ALOXE3: variants seen among roughly 807,000 people sequenced by gnomAD.
ALOXE3 encodes hydroperoxide isomerase ALOXE3.
A neutral mutation model predicts 87.5 loss-of-function variants in ALOXE3; 78 were observed. The ratio of observed to expected loss-of-function variants is 0.89; its 90% CI spans 0.74 to 1.08. ALOXE3 has a LOEUF of 1.08. Ranked by LOEUF, ALOXE3 falls within the 50% of genes least tolerant of loss-of-function variation. The probability of loss-of-function intolerance (pLI) is 0.00; values close to 1 mark genes in which losing one functional copy is unlikely to be tolerated. For synonymous variants in ALOXE3, 363 were observed against 370.8 expected (o/e 0.98, Z 0.24); for missense variants, 946 against 912.4 (o/e 1.04, Z -0.47).
chr17:8,116,612 A>T lies in ALOXE3; in HGVS notation c.352+164T>A, dbSNP rs3027226. Among the ~76,000 whole-genome samples, 252 of 152,242 alleles carry T rather than the reference A, an allele frequency of 1.7e-3. 2 individuals are homozygous for T. The highest frequency in any genetic ancestry group is 5.8e-3 in the African/African-American group (239 of 41,528). On this transcript the variant is annotated intron_variant, in intron 3 of 15. Transcript: ENST00000448843. ...TCAATACCGTCTGCAAAACCCTCGC[A>T]TTTCAGGGCTTGAGAGGCTCCCTTT...
chr17:8,118,806 C>T (rs1980842688), upstream of ALOXE3: 6 of 1,537,012 alleles, frequency 3.9e-6, no homozygotes, highest in Non-Finnish European at 4.4e-6. Context: ...CGCCCTGGGC[C>T]TGCAGGATCC....
In ALOXE3 at chr17:8,107,941, GAA is replaced by G. The variant is rs1415257327; in HGVS notation, c.1684+525_1684+526del. 9.2e-4 allele frequency among the ~76,000 whole-genome samples: 4 copies of G among 4,344 alleles called. 1 individual carries two copies. The highest frequency in any genetic ancestry group is 4.2e-3 in the South Asian group (1 of 236). 2.8% of individuals were successfully genotyped at this position (4,344 alleles called of 152,430 possible). On this transcript the variant is annotated intron_variant, in intron 13 of 15. Coordinates refer to ENST00000448843, the MANE Select transcript of ALOXE3 (RefSeq NM_021628.3). ...AGAAAGAAAGAAAGAAAGAAAGAAA[GAA>G]AGAAAGAAAGAAAGAAAGGAAGGAG... is the stretch of plus-strand genomic sequence containing the variant.
At chr17:8,112,620 C>T (rs1009524032) in intron 6 of ALOXE3, among the ~76,000 whole-genome samples, 43 of 152,244 alleles carry the variant, frequency 2.8e-4, no homozygotes, top group African/African-American at 1.0e-3. Flanking sequence ...GTATTTTCTC[C>T]CACCCTAGGC....
intron 3 of ALOXE3, among the ~76,000 whole-genome samples, chr17:8,116,374 G>A (rs1444498164): frequency 6.6e-6 from 1 of 152,132 alleles, no homozygotes; most frequent in East Asian, 1.9e-4. Context: ...AGGGAATGGG[G>A]CCTCTCCAGC....
At chr17:8,104,018 AC>A in intron 14 of ALOXE3, 96 bp downstream of exon 14, 1 of 1,026,800 alleles carries the variant, frequency 9.7e-7, no homozygotes, top group Non-Finnish European at 1.5e-6. Context: ...TCATAAACCC[AC>A]CCCAACGCTG....
chr17:8,096,780 C>T lies in ALOXE3; in HGVS notation c.1983G>A (p.Glu661=). The change falls in exon 16 of 16, where the codon GAG becomes GAA. Residue 661 remains glutamate (E), a synonymous_variant. Transcript: ENST00000448843. ...GCCTCGGGGCCTCCTCTGTGAAGTG[C>T]TCATCTGGGTAGGTGCCCAGGGGCC... ...DQRPLGTYPD[E]HFTEEAPRRS... The T allele has an allele frequency of 1.9e-6, 3 of 1,614,152 alleles. No individual in the cohort carries two copies. Among genetic ancestry groups the T allele is most frequent in the Non-Finnish European group, 2.5e-6 (3 of 1,180,034 alleles).
chr17:8,102,851 G>C (rs1979010215), intron 15 of ALOXE3, among the ~76,000 whole-genome samples: 1 of 152,040 alleles, frequency 6.6e-6, no homozygotes, highest in East Asian at 1.9e-4. Context: ...ACAGTGTCTG[G>C]GTCACCACTG....
chr17:8,111,603 G>T, intron 7 of ALOXE3, 72 bp from the exon 8 acceptor site: 1 of 1,536,208 alleles, frequency 6.5e-7, no homozygotes, highest in African/African-American at 1.4e-5. Flanking sequence ...CAAGTCCTTT[G>T]CTTATCATTG....
At chr17:8,114,653 C>G (rs371178935) in intron 5 of ALOXE3, 44 bp from the exon 6 acceptor site, 2 of 1,612,376 alleles carry the variant, frequency 1.2e-6, no homozygotes, top group African/African-American at 2.7e-5. Context: ...GTCAGTGGGC[C>G]CTGAAGCCCA....
At chr17:8,111,555 G>A (rs1980091884) in intron 7 of ALOXE3, 24 bp from the exon 8 acceptor site, 2 of 1,613,846 alleles carry the variant, frequency 1.2e-6, no homozygotes, top group Non-Finnish European at 1.7e-6. Context: ...GAGGGGACCA[G>A]TTGGTCTAGA....
chr17:8,101,981 G>A (rs1039561117), intron 15 of ALOXE3, among the ~76,000 whole-genome samples: 5 of 152,180 alleles, frequency 3.3e-5, no homozygotes, highest in South Asian at 2.1e-4. Context: ...TCAAGCGTGA[G>A]AAATAAGAAT....
chr17:8,114,850 C>T (rs1356157145), intron 5 of ALOXE3, 88 bp downstream of exon 5: 17 of 1,581,318 alleles, frequency 1.1e-5, no homozygotes, highest in Admixed American at 1.7e-5. Context: ...AGACCCCTAC[C>T]CCTCCTTCCT....
intron 4 of ALOXE3, 24 bp downstream of exon 4, chr17:8,115,583 G>T (rs1216829048): frequency 1.3e-6 from 2 of 1,590,042 alleles, no homozygotes; most frequent in African/African-American, 1.3e-5. Context: ...GATGGGGAAA[G>T]AAGTCAAATT....
chr17:8,111,548 G>A lies in ALOXE3; in HGVS notation c.785-17C>T. 6.2e-7 allele frequency: 1 copy of A among 1,614,004 alleles called. No homozygotes were observed. Among genetic ancestry groups the A allele is most frequent in the South Asian group, 1.1e-5 (1 of 91,066 alleles). On this transcript the variant is annotated splice_polypyrimidine_tract_variant and intron_variant, in intron 7 of 15. Transcript: ENST00000448843. Reference sequence around the variant, plus strand: ...TGACATACTCTGGGATACAAGAGAGGGGACCAGTTGGTCTAGAAACTACTT... The same window carrying A: ...TGACATACTCTGGGATACAAGAGAGAGGACCAGTTGGTCTAGAAACTACTT...
At chr17:8,100,370 A>G (rs956143790) in intron 15 of ALOXE3, among the ~76,000 whole-genome samples, 53 of 152,134 alleles carry the variant, frequency 3.5e-4, no homozygotes, top group Non-Finnish European at 5.0e-4. Flanking sequence ...GGCCCCAGAC[A>G]TGTGAGCAAA....
chr17:8,114,619 G>C lies in ALOXE3; in HGVS notation c.555-10C>G. On this transcript the variant is annotated splice_polypyrimidine_tract_variant and intron_variant, in intron 5 of 15. Transcript: ENST00000448843. ...GTACCGATTCCCACTGCTGGGGGTCGGGGGAGTAGAAAGACAGAAACCAGT... is the reference window on the plus strand; with the variant it reads ...GTACCGATTCCCACTGCTGGGGGTCCGGGGAGTAGAAAGACAGAAACCAGT... The C allele has an allele frequency of 6.2e-7, 1 of 1,613,786 alleles. No homozygotes were observed. The highest frequency in any genetic ancestry group is 8.5e-7 in the Non-Finnish European group (1 of 1,179,930).
chr17:8,107,840 A>ACGT (rs1567996051), intron 13 of ALOXE3, among the ~76,000 whole-genome samples: 5 of 4,444 alleles, frequency 1.1e-3, no homozygotes, highest in East Asian at 4.3e-3. Context: ...AAAGAAAGAA[A>ACGT]GAAAGAAAGA....
chr17:8,110,094 T>C lies in ALOXE3; in HGVS notation c.1303A>G (p.Lys435Glu), dbSNP rs1277529492. The change falls in exon 10 of 16, where the codon AAG becomes GAG. Residue 435 changes from lysine (K) to glutamate (E), a missense_variant and splice_region_variant. Lys to Glu is a moderately conservative substitution (Grantham distance 56, BLOSUM62 1). Coordinates refer to ENST00000448843, the MANE Select transcript of ALOXE3 (RefSeq NM_021628.3). The stretch of plus-strand genomic sequence containing the variant: ...GGCCCCCACCCGGGGTCGCGGACCT[T>C]GTAGATGGGGTGGCAGAGCGGCAGC... Reference protein sequence around the residue: ...RQLPLCHPIYKLLLPHTRYTL... With the variant: ...RQLPLCHPIYELLLPHTRYTL... 1 of 1,612,200 alleles carries C rather than the reference T, an allele frequency of 6.2e-7. No individual in the cohort carries two copies. The highest frequency in any genetic ancestry group is 1.1e-5 in the South Asian group (1 of 90,878).
chr17:8,108,645 G>A (rs1173934605), intron 12 of ALOXE3, 56 bp from the exon 13 acceptor site: 7 of 1,593,538 alleles, frequency 4.4e-6, no homozygotes, highest in Non-Finnish European at 6.0e-6. Context: ...GTCCTGGCCA[G>A]GAAACCGAGG....
Sources: gnomAD v4.1 joint callset for allele counts (sites outside exome capture counted in the v4.1 genomes callset) on GRCh38, gnomAD v4.1.1 for gene constraint, MANE v1.5 for transcripts, NCBI Gene and HGNC (gene_info 2026-07-23, HGNC 2026-07-21) for gene names.